KIF24: variants seen among roughly 807,000 people sequenced by gnomAD.
The protein encoded by KIF24 is kinesin-like protein KIF24.
A neutral mutation model predicts 118.9 loss-of-function variants in KIF24; 81 were observed. The ratio of observed to expected loss-of-function variants is 0.68; its 90% confidence interval spans 0.57 to 0.82. The LOEUF (loss-of-function observed/expected upper bound fraction) is 0.82, where lower values mean the gene tolerates loss of function less well. Ranked by LOEUF, KIF24 falls within the 40% of genes least tolerant of loss-of-function variation. The probability of loss-of-function intolerance (pLI) is 0.00; values close to 1 mark genes in which losing one functional copy is unlikely to be tolerated. For missense variants in KIF24, 1,560 were observed against 1,661.6 expected (o/e 0.94, Z 1.06); for synonymous variants, 599 against 610.0 (o/e 0.98, Z 0.27).
intron 6 of KIF24, among the ~76,000 whole-genome samples, chr9:34,283,526 C>T (rs1835931387): frequency 1.3e-5 from 2 of 151,356 alleles, no homozygotes; most frequent in African/African-American, 4.9e-5. Context: ...ATAATAATAC[C>T]CACACCTGGG....
intron 8 of KIF24, 70 bp downstream of exon 8, chr9:34,269,187 C>A (rs899826874): frequency 2.1e-5 from 17 of 815,642 alleles, no homozygotes; most frequent in Non-Finnish European, 2.4e-5. Context: ...CCACATTCAT[C>A]CACTCTGCCT....
chr9:34,262,333 G>C (rs550699194), intron 9 of KIF24, among the ~76,000 whole-genome samples: 2 of 152,018 alleles, frequency 1.3e-5, no homozygotes, highest in Non-Finnish European at 2.9e-5. Flanking sequence ...CCCTGCCTGA[G>C]TCTGCCCCTT....
intron 2 of KIF24, among the ~76,000 whole-genome samples, chr9:34,310,181 T>C (rs1837084042): frequency 6.6e-6 from 1 of 152,194 alleles, no homozygotes; most frequent in South Asian, 2.1e-4. Flanking sequence ...TTATCTGTTT[T>C]TTCCGGGGTT....
At chr9:34,264,498 A>G (rs976865893) in intron 8 of KIF24, among the ~76,000 whole-genome samples, 1 of 151,926 alleles carries the variant, frequency 6.6e-6, no homozygotes, top group African/African-American at 2.4e-5. Flanking sequence ...AAGAATAGGT[A>G]GTTTGCCTCC....
rs564962243 is a variant in KIF24, at chr9:34,308,058, C to T, written c.624-1617G>A. Reference sequence around the variant, plus strand: ...CGAGCATAGCTCACTGAAGCCTCAACCTCCTGGGCTGAAGCCATCCTCCCA... The same window carrying T: ...CGAGCATAGCTCACTGAAGCCTCAATCTCCTGGGCTGAAGCCATCCTCCCA... On this transcript the variant is annotated intron_variant, in intron 2 of 12. Transcript: ENST00000402558. 6.4e-4 allele frequency among the ~76,000 whole-genome samples: 97 copies of T among 152,196 alleles called. 1 individual carries two copies. The Middle Eastern group carries it at 0.01, about 16-fold the overall frequency.
At chr9:34,299,166 G>C (rs931509408) in intron 3 of KIF24, among the ~76,000 whole-genome samples, 2 of 151,590 alleles carry the variant, frequency 1.3e-5, no homozygotes, top group Admixed American at 6.6e-5. Context: ...GTATATAATA[G>C]TAATATATAT....
intron 3 of KIF24, among the ~76,000 whole-genome samples, chr9:34,299,075 C>T (rs1281896295): frequency 6.6e-6 from 1 of 151,690 alleles, no homozygotes; most frequent in Non-Finnish European, 1.5e-5. Flanking sequence ...ATGTTGGTAG[C>T]TCGTATATAT....
chr9:34,316,431 G>A (rs1837332571), intron 1 of KIF24, among the ~76,000 whole-genome samples: 1 of 151,908 alleles, frequency 6.6e-6, no homozygotes. Context: ...TGGCCATAGA[G>A]CCATTTTCTC....
In KIF24 at chr9:34,311,026, T is replaced by C. The variant is rs1837118998; in HGVS notation, c.321A>G (p.Lys107=). 1 of 1,613,822 alleles carries C rather than the reference T, an allele frequency of 6.2e-7. No homozygotes were observed. Among genetic ancestry groups the C allele is most frequent in the East Asian group, 2.2e-5 (1 of 44,898 alleles). The change falls in exon 2 of 13, where the codon AAA becomes AAG. Residue 107 remains lysine (K), a synonymous_variant. Coordinates refer to ENST00000402558, the MANE Select transcript of KIF24 (RefSeq NM_194313.4). ...QLNFDSPADN[K]DRNASNDGFE... is the part of the protein sequence containing the mutation. Reference sequence around the variant, plus strand: ...ACCCATCATTGCTGGCATTTCTGTCTTTATTGTCAGCAGGAGAATCAAAAT... The same window carrying C: ...ACCCATCATTGCTGGCATTTCTGTCCTTATTGTCAGCAGGAGAATCAAAAT...
chr9:34,279,789 G>C (rs770728549), intron 6 of KIF24, among the ~76,000 whole-genome samples: 8 of 152,204 alleles, frequency 5.3e-5, no homozygotes, highest in Non-Finnish European at 8.8e-5. Flanking sequence ...AGCAAGTGCT[G>C]TTGTTTCAAG....
chr9:34,285,579 T>C lies in KIF24; in HGVS notation c.1215+1038A>G, dbSNP rs1020294055. ...CATGAGGTCAGGAGATCGAGACCATTCTGGCAAACACGGTGAAACCCCGTT... is the reference window on the plus strand; with the variant it reads ...CATGAGGTCAGGAGATCGAGACCATCCTGGCAAACACGGTGAAACCCCGTT... On this transcript the variant is annotated intron_variant, in intron 6 of 12. Coordinates refer to ENST00000402558, the MANE Select transcript of KIF24 (RefSeq NM_194313.4). Among the ~76,000 whole-genome samples the C allele has an allele frequency of 5.3e-5, 8 of 151,636 alleles. No homozygotes were observed. In the Middle Eastern group the frequency reaches 0.01, roughly 196 times the overall value.
At chr9:34,286,820 G>T in intron 5 of KIF24, 116 bp from the exon 6 acceptor site, 1 of 714,330 alleles carries the variant, frequency 1.4e-6, no homozygotes, top group Middle Eastern at 2.5e-4. Flanking sequence ...TGTTTGAGTG[G>T]GATGGATGCT....
At position 34,263,084 on chromosome 9, in the gene KIF24, C is replaced by T. The variant is rs1835154713; in HGVS notation, c.1515+17G>A. 1 of 1,592,918 alleles carries T rather than the reference C, an allele frequency of 6.3e-7. No individual in the cohort carries two copies. On this transcript the variant is annotated intron_variant, in intron 9 of 12. Transcript: ENST00000402558. ...GGAATGAATCAGAACAAACTCAAGGCTCACATTTAACTTTACCTGAGTTAG... is the reference window on the plus strand; with the variant it reads ...GGAATGAATCAGAACAAACTCAAGGTTCACATTTAACTTTACCTGAGTTAG...
chr9:34,261,653 G>C (rs528098284), intron 9 of KIF24, among the ~76,000 whole-genome samples: 1 of 152,136 alleles, frequency 6.6e-6, no homozygotes, highest in African/African-American at 2.4e-5. Flanking sequence ...TGTTTCTTCT[G>C]CATCTTTTTA....
intron 1 of KIF24, among the ~76,000 whole-genome samples, chr9:34,328,853 CAA>C (rs1339819703): frequency 1.3e-5 from 2 of 152,140 alleles, no homozygotes; most frequent in African/African-American, 2.4e-5. Flanking sequence ...CTTTGGGACT[CAA>C]GAGTTTAGTC....
At position 34,290,202 on chromosome 9, in the gene KIF24, G is replaced by C; in HGVS notation, c.1099C>G (p.Leu367Val). ...TTTCTTCTATTTAGGAGGTCATAAA[G>C]CTGTCCACAGTAAATTTCATAGAAG... ...ISFYEIYCGQ[L>V]YDLLNRRKRL... Residue 367 changes from leucine to valine, a missense_variant, in exon 5 of 13, where the codon CTT becomes GTT. Leu to Val is a conservative substitution (Grantham distance 32). Coordinates refer to ENST00000402558, the MANE Select transcript of KIF24 (RefSeq NM_194313.4). 1 of 1,613,610 alleles carries C rather than the reference G, an allele frequency of 6.2e-7. No homozygotes were observed. The highest frequency in any genetic ancestry group is 8.5e-7 in the Non-Finnish European group (1 of 1,179,596).
intron 1 of KIF24, among the ~76,000 whole-genome samples, chr9:34,325,248 G>A (rs1001693046): frequency 3.6e-4 from 55 of 151,338 alleles, no homozygotes; most frequent in African/African-American, 1.3e-3. Flanking sequence ...GGGAGGCTGA[G>A]ATGGGAGGAT....
chr9:34,275,345 T>C (rs1350174203), intron 6 of KIF24, among the ~76,000 whole-genome samples: 1 of 151,440 alleles, frequency 6.6e-6, no homozygotes, highest in African/African-American at 2.4e-5. Flanking sequence ...AGTGAACTGA[T>C]ATCGCACCAC....
intron 4 of KIF24, among the ~76,000 whole-genome samples, chr9:34,294,575 T>C (rs1169430004): frequency 1.3e-5 from 2 of 152,090 alleles, no homozygotes; most frequent in African/African-American, 2.4e-5. Flanking sequence ...TCATACTTTA[T>C]TCATAAAGTC....
Sources: allele counts gnomAD v4.1 joint callset (sites outside exome capture counted in the v4.1 genomes callset), GRCh38; gene constraint gnomAD v4.1.1; transcripts MANE v1.5; gene names NCBI Gene and HGNC (gene_info 2026-07-23, HGNC 2026-07-21).